The following PTAR1 variants were observed in gnomAD, a reference collection of about 807,000 sequenced individuals.
The protein encoded by PTAR1 is protein prenyltransferase alpha subunit repeat containing 1, also known as protein prenyltransferase alpha subunit repeat-containing protein 1.
A neutral mutation model predicts 45.5 loss-of-function variants in PTAR1; 17 were observed. The observed-to-expected ratio is 0.37, with a 90% CI of 0.26 to 0.56. The LOEUF (loss-of-function observed/expected upper bound fraction) is 0.56, where lower values mean the gene tolerates loss of function less well. PTAR1 is among the 20% of genes least tolerant of loss of function. The pLI is 0.77. For synonymous variants in PTAR1, 169 were observed against 171.3 expected (o/e 0.99, Z 0.11); for missense variants, 391 against 476.3 (o/e 0.82, Z 1.67).
At position 69,734,627 on chromosome 9, in the gene PTAR1, T is replaced by C. The variant is rs539819019; in HGVS notation, c.324-373A>G. 1.1e-3 allele frequency among the ~76,000 whole-genome samples: 161 copies of C among 152,224 alleles called. 1 individual carries two copies. The highest frequency in any genetic ancestry group is 0.01 in the Middle Eastern group (3 of 294). ...TATCGTACCTATAGGGCCAATCCAA[T>C]ACCAGCCAAAATTGGTCTAGTTTCC... On this transcript the variant is annotated intron_variant, in intron 3 of 7. Coordinates refer to ENST00000340434, the MANE Select transcript of PTAR1 (RefSeq NM_001099666.2).
chr9:69,713,158 G>A lies in PTAR1; in HGVS notation c.*5184C>T, dbSNP rs570156241. ...TTATATATAGCTAATATTCTTGGAAGCACAAGGTTTCATCAGCAGACTAAA... is the reference window on the plus strand; with the variant it reads ...TTATATATAGCTAATATTCTTGGAAACACAAGGTTTCATCAGCAGACTAAA... On this transcript the variant is annotated 3_prime_UTR_variant, in exon 8 of 8. Coordinates refer to ENST00000340434, the MANE Select transcript of PTAR1 (RefSeq NM_001099666.2). 9.2e-5 allele frequency: 14 copies of A among 152,188 alleles called. No individual in the cohort carries two copies. The highest frequency in any genetic ancestry group is 7.9e-4 in the Admixed American group (12 of 15,264). 9.4% of individuals were successfully genotyped at this position (152,188 alleles called of 1,614,324 possible).
At chr9:69,721,274 C>A (rs574564260) in intron 6 of PTAR1, among the ~76,000 whole-genome samples, 4 of 152,056 alleles carry the variant, frequency 2.6e-5, no homozygotes, top group Non-Finnish European at 5.9e-5. Context: ...TAGTAAGTCA[C>A]GGCAAATGTG....
chr9:69,722,499 A>G (rs561856355), intron 6 of PTAR1, among the ~76,000 whole-genome samples: 3 of 152,318 alleles, frequency 2.0e-5, no homozygotes, highest in African/African-American at 7.2e-5. Context: ...CACTTTAAAC[A>G]AAAAGTGTCA....
Position 69,741,784 on chromosome 9 carries a change from T to C in PTAR1, c.323+8A>G. ...AACTTTATCATATCACTAATGAAAA[T>C]GACATACCTCACGTTCCATGCAGTG... is the stretch of plus-strand genomic sequence containing the variant. On this transcript the variant is annotated splice_region_variant and intron_variant, in intron 3 of 7. Transcript: ENST00000340434. The C allele has an allele frequency of 6.3e-7, 1 of 1,576,104 alleles. No homozygotes were observed. The highest frequency in any genetic ancestry group is 8.7e-7 in the Non-Finnish European group (1 of 1,152,406).
Position 69,723,436 on chromosome 9 carries a change from A to T in PTAR1, c.837T>A (p.Val279=). 6.2e-7 allele frequency: 1 copy of T among 1,613,850 alleles called. No homozygotes were observed. The highest frequency in any genetic ancestry group is 8.5e-7 in the Non-Finnish European group (1 of 1,179,836). The change falls in exon 6 of 8, where the codon GTT becomes GTA. Residue 279 remains valine (V), a synonymous_variant. Coordinates refer to ENST00000340434, the MANE Select transcript of PTAR1 (RefSeq NM_001099666.2). ...LVPPKDEEAA[V]STEEPRINLP... ...GATTAATCCTTGGTTCTTCTGTTGA[A>T]ACTGCTGCTTCTTCATCTTTTGGAG...
At chr9:69,751,290 A>C (rs1309049711) in intron 1 of PTAR1, among the ~76,000 whole-genome samples, 1 of 152,088 alleles carries the variant, frequency 6.6e-6, no homozygotes, top group Non-Finnish European at 1.5e-5. Flanking sequence ...TGTTCACTGC[A>C]ATGTTGCAAC....
At chr9:69,725,539 G>A (rs1312824676) in intron 5 of PTAR1, among the ~76,000 whole-genome samples, 4 of 151,552 alleles carry the variant, frequency 2.6e-5, no homozygotes, top group African/African-American at 4.8e-5. Context: ...GCAGTGAGCC[G>A]AGATTGCTCC....
Position 69,717,737 on chromosome 9 carries a change from G to T in PTAR1, c.*605C>A, listed in dbSNP as rs1361957423. The T allele has an allele frequency of 1.3e-5, 2 of 152,104 alleles. No homozygotes were observed. Among genetic ancestry groups the T allele is most frequent in the Non-Finnish European group, 2.9e-5 (2 of 68,034 alleles). 9.4% of individuals were successfully genotyped at this position (152,104 alleles called of 1,614,324 possible). A position where few individuals can be genotyped will look rare whatever the true frequency, so the allele number is the denominator to read the frequency against. The stretch of plus-strand genomic sequence containing the variant: ...TATTTTCAATTTGTTTTAGAGACAG[G>T]GTCTCAACTCTATTGCCCAGGCTGA... On this transcript the variant is annotated 3_prime_UTR_variant, in exon 8 of 8. Coordinates refer to ENST00000340434, the MANE Select transcript of PTAR1 (RefSeq NM_001099666.2).
intron 1 of PTAR1, among the ~76,000 whole-genome samples, chr9:69,752,819 G>C (rs966321054): frequency 6.6e-6 from 1 of 152,016 alleles, no homozygotes; most frequent in African/African-American, 2.4e-5. Context: ...TATATTTTGT[G>C]CATCTCTATT....
intron 2 of PTAR1, among the ~76,000 whole-genome samples, chr9:69,745,403 C>T (rs1186417708): frequency 1.3e-5 from 2 of 152,156 alleles, no homozygotes; most frequent in African/African-American, 2.4e-5. Context: ...TCCCTTTCTA[C>T]ATTAAAGAAA....
chr9:69,753,080 C>T (rs1826603745), intron 1 of PTAR1, among the ~76,000 whole-genome samples: 2 of 152,086 alleles, frequency 1.3e-5, no homozygotes, highest in African/African-American at 4.8e-5. Context: ...AACAATATAA[C>T]TGTTATAGTA....
At chr9:69,738,330 T>A (rs1271116406) in intron 3 of PTAR1, among the ~76,000 whole-genome samples, 5 of 152,164 alleles carry the variant, frequency 3.3e-5, no homozygotes, top group African/African-American at 1.2e-4. Context: ...TGAGTTCAGG[T>A]TTCTTCACTA....
chr9:69,727,076 C>T (rs1014912510), intron 5 of PTAR1, among the ~76,000 whole-genome samples: 4 of 150,552 alleles, frequency 2.7e-5, no homozygotes, highest in Admixed American at 6.6e-5. Flanking sequence ...TATATATATA[C>T]GATGTACGAC....
rs1824476995 is a variant in PTAR1 at position 69,710,313 on chromosome 9, C to A, written c.*8029G>T. On this transcript the variant is annotated 3_prime_UTR_variant, in exon 8 of 8. Transcript: ENST00000340434. ...CATTAATAATCTTTTATATTGATTA[C>A]ATGTTGAAATGATATTTTTAATATA... The A allele has an allele frequency of 6.6e-6, 1 of 151,998 alleles. No homozygotes were observed. The highest frequency in any genetic ancestry group is 6.6e-5 in the Admixed American group (1 of 15,256). The allele number at this position is 151,998 out of a possible 1,614,324, so 9.4% of individuals were successfully genotyped here. A position where few individuals can be genotyped will look rare whatever the true frequency, so the allele number is the denominator to read the frequency against.
intron 4 of PTAR1, 70 bp downstream of exon 4, chr9:69,734,080 A>C (rs1016120812): frequency 3.4e-6 from 3 of 888,212 alleles, no homozygotes; most frequent in Non-Finnish European, 5.5e-6. Flanking sequence ...CTTGCCTCTC[A>C]CATGTCATGT....
At chr9:69,747,440 T>G (rs191512810) in intron 2 of PTAR1, among the ~76,000 whole-genome samples, 7 of 152,186 alleles carry the variant, frequency 4.6e-5, no homozygotes, top group Non-Finnish European at 7.4e-5. Context: ...AAGGCAGTAG[T>G]ACACACAGAG....
In PTAR1 at chr9:69,710,422, G is replaced by A. The variant is rs1181410755; in HGVS notation, c.*7920C>T. 6.6e-6 allele frequency: 1 copy of A among 151,614 alleles called. No individual in the cohort carries two copies. The highest frequency in any genetic ancestry group is 1.5e-5 in the Non-Finnish European group (1 of 67,896). The allele number at this position is 151,614 out of a possible 1,614,324, so 9.4% of individuals were successfully genotyped here. A position where few individuals can be genotyped will look rare whatever the true frequency, so the allele number is the denominator to read the frequency against. On this transcript the variant is annotated 3_prime_UTR_variant, in exon 8 of 8. Transcript: ENST00000340434. ...ACTAGAAAATTAAAAATTATGTTGT[G>A]GTTCACATTATATTTCTGTTGAACA...
intron 5 of PTAR1, among the ~76,000 whole-genome samples, chr9:69,724,941 C>A (rs1388966974): frequency 6.6e-6 from 1 of 152,120 alleles, no homozygotes. Flanking sequence ...TTATTCATAG[C>A]CACCTAAATT....
Position 69,717,270 on chromosome 9 carries a change from A to C in PTAR1, c.*1072T>G, listed in dbSNP as rs1824764376. 6.6e-6 allele frequency: 1 copy of C among 152,158 alleles called. No individual in the cohort carries two copies. The allele number at this position is 152,158 out of a possible 1,614,324, so 9.4% of individuals were successfully genotyped here. A position where few individuals can be genotyped will look rare whatever the true frequency, so the allele number is the denominator to read the frequency against. On this transcript the variant is annotated 3_prime_UTR_variant, in exon 8 of 8. Coordinates refer to ENST00000340434, the MANE Select transcript of PTAR1 (RefSeq NM_001099666.2). ...TAAAAAGGAATATTTTTATGGATCT[A>C]TTTCTTTATATATTTCTCCCATTTG...
Sources: gnomAD v4.1 joint callset for allele counts (sites outside exome capture counted in the v4.1 genomes callset) on GRCh38, gnomAD v4.1.1 for gene constraint, MANE v1.5 for transcripts, NCBI Gene and HGNC (gene_info 2026-07-23, HGNC 2026-07-21) for gene names.